MED13L: variants seen among roughly 807,000 people sequenced by gnomAD.
MED13L encodes mediator complex subunit 13L, also known as mediator of RNA polymerase II transcription subunit 13-like.
MED13L carries 7 observed loss-of-function variants against 220.9 expected under a neutral mutation model. The ratio of observed to expected loss-of-function variants is 0.03; its 90% CI spans 0.02 to 0.06. The LOEUF is 0.06. Ranked by LOEUF, MED13L falls within the 10% of genes least tolerant of loss-of-function variation. The pLI is 1.00. For missense variants in MED13L, 1,965 were observed against 2,760.5 expected, an observed-to-expected ratio of 0.71 and a Z score of 6.46; for synonymous variants, 1,011 against 1,015.2, an observed-to-expected ratio of 1.00 and a Z score of 0.08.
intron 4 of MED13L, among the ~76,000 whole-genome samples, chr12:116,076,184 CAGA>C (rs1870784625): frequency 6.6e-6 from 1 of 152,066 alleles, no homozygotes; most frequent in Non-Finnish European, 1.5e-5. Context: ...AAGTGCTGGC[CAGA>C]AGATTTTTTA....
At chr12:116,011,551 G>T (rs1469689282) in intron 9 of MED13L, among the ~76,000 whole-genome samples, 18 of 152,158 alleles carry the variant, frequency 1.2e-4, no homozygotes, top group Admixed American at 1.2e-3. Context: ...ATGTGCTAAA[G>T]GCGGGCCTTA....
chr12:116,096,006 AT>A (rs1565874860), intron 4 of MED13L, among the ~76,000 whole-genome samples: 1 of 152,220 alleles, frequency 6.6e-6, no homozygotes, highest in Non-Finnish European at 1.5e-5. Context: ...TTCCACAAAA[AT>A]TGTCACCATT....
chr12:116,158,887 G>C (rs545443770), intron 2 of MED13L, among the ~76,000 whole-genome samples: 1 of 152,224 alleles, frequency 6.6e-6, no homozygotes, highest in South Asian at 2.1e-4. Flanking sequence ...AACCTCACGT[G>C]ACTAGTGAGC....
In MED13L at chr12:115,991,533, T is replaced by G; in HGVS notation, c.3421A>C (p.Lys1141Gln). 1 of 1,614,144 alleles carries G rather than the reference T, an allele frequency of 6.2e-7. No individual in the cohort carries two copies. The highest frequency in any genetic ancestry group is 8.5e-7 in the Non-Finnish European group (1 of 1,180,026). ...ATGTAAAGCCCGACATCCGCCCCTTTGATGTTCATGTTGCAGGCACAGATG... is the reference window on the plus strand; with the variant it reads ...ATGTAAAGCCCGACATCCGCCCCTTGGATGTTCATGTTGCAGGCACAGATG... ...CCICACNMNIKGADVGLYIPD... is the reference protein window; with the variant it reads ...CCICACNMNIQGADVGLYIPD... The change falls in exon 17 of 31, where the codon AAA becomes CAA. Residue 1141 changes from lysine (K) to glutamine (Q), a missense_variant. Physicochemically the swap from Lys to Gln is moderately conservative, Grantham distance 53 (BLOSUM62 1). This residue lies in a region of MED13L where 18 missense variants were observed against 72.4 expected (regional missense o/e 0.25). Coordinates refer to ENST00000281928, the MANE Select transcript of MED13L (RefSeq NM_015335.5). This position sits in a 1 kb window ranked among gnomAD's most constrained non-coding sequence, Gnocchi z 7.7.
At chr12:115,983,689 G>T in intron 20 of MED13L, 149 bp from the exon 21 acceptor site, 1 of 878,134 alleles carries the variant, frequency 1.1e-6, no homozygotes, top group Non-Finnish European at 1.8e-6. Context: ...CCACAGTCAT[G>T]CTTATGTATT....
intron 2 of MED13L, among the ~76,000 whole-genome samples, chr12:116,172,051 TA>T: frequency 6.6e-6 from 1 of 152,304 alleles, no homozygotes; most frequent in East Asian, 1.9e-4. Context: ...AAGTATTGAA[TA>T]AGATAAAACT....
chr12:116,047,981 T>G (rs1364614963), intron 4 of MED13L, among the ~76,000 whole-genome samples: 3 of 152,046 alleles, frequency 2.0e-5, no homozygotes, highest in Non-Finnish European at 4.4e-5. Context: ...TTTCATGTAG[T>G]GTTGGGAAAA....
intron 2 of MED13L, chr12:116,148,609 CTA>C (rs3043743): frequency 0.3 from 54,407 of 180,914 alleles, 7,381 homozygotes; most frequent in East Asian, 0.5. Flanking sequence ...ATGGAGATAT[CTA>C]TATATATATA....
intron 2 of MED13L, among the ~76,000 whole-genome samples, chr12:116,145,958 T>C (rs1463630586): frequency 6.6e-6 from 1 of 152,146 alleles, no homozygotes; most frequent in Non-Finnish European, 1.5e-5. Flanking sequence ...TCTTTTCTAT[T>C]TGTGACCCCA....
chr12:116,255,027 T>G (rs1871913260), intron 1 of MED13L, among the ~76,000 whole-genome samples: 1 of 152,110 alleles, frequency 6.6e-6, no homozygotes, highest in Non-Finnish European at 1.5e-5. Flanking sequence ...GAAAAAAAAT[T>G]TTTAATTGAC....
chr12:116,120,826 T>C (rs1213241224), intron 2 of MED13L, among the ~76,000 whole-genome samples: 1 of 152,176 alleles, frequency 6.6e-6, no homozygotes, highest in Non-Finnish European at 1.5e-5. Context: ...ACTATCTCTA[T>C]AGACTATGTT....
chr12:116,119,214 A>T (rs1426977165), intron 2 of MED13L, among the ~76,000 whole-genome samples: 1 of 152,184 alleles, frequency 6.6e-6, no homozygotes, highest in Admixed American at 6.5e-5. Context: ...AAGGACATAC[A>T]TTCTAACCCC....
intron 2 of MED13L, among the ~76,000 whole-genome samples, chr12:116,171,009 A>T (rs769776230): frequency 6.6e-6 from 1 of 152,258 alleles, no homozygotes; most frequent in Non-Finnish European, 1.5e-5. Flanking sequence ...ATTCGTGCTA[A>T]GGCACCACCA....
At chr12:116,135,112 T>C (rs781293089) in intron 2 of MED13L, among the ~76,000 whole-genome samples, 12 of 152,146 alleles carry the variant, frequency 7.9e-5, no homozygotes, top group Admixed American at 4.6e-4. Flanking sequence ...GAGGTTGCAG[T>C]GAGCTGAGAT....
intron 2 of MED13L, among the ~76,000 whole-genome samples, chr12:116,128,995 G>C (rs1166890447): frequency 6.6e-6 from 1 of 151,884 alleles, no homozygotes; most frequent in Non-Finnish European, 1.5e-5. Flanking sequence ...CAGCATTTTT[G>C]TGGACGTTTT....
intron 2 of MED13L, among the ~76,000 whole-genome samples, chr12:116,206,866 T>A (rs918234208): frequency 6.6e-6 from 1 of 152,138 alleles, no homozygotes; most frequent in Non-Finnish European, 1.5e-5. Context: ...TTCATAATTA[T>A]AAAATGATTA....
At chr12:116,134,757 G>A (rs886642748) in intron 2 of MED13L, among the ~76,000 whole-genome samples, 8 of 151,926 alleles carry the variant, frequency 5.3e-5, no homozygotes, top group South Asian at 2.1e-4. Context: ...ACGATGATAC[G>A]CCAGTTTTAA....
At chr12:116,118,486 T>C (rs1874722616) in intron 2 of MED13L, among the ~76,000 whole-genome samples, 1 of 152,178 alleles carries the variant, frequency 6.6e-6, no homozygotes, top group Admixed American at 6.5e-5. Context: ...CATAAAAAAT[T>C]ATAAGCCAAT....
chr12:116,023,111 A>G (rs976502721), intron 4 of MED13L, among the ~76,000 whole-genome samples: 5 of 152,166 alleles, frequency 3.3e-5, no homozygotes, highest in Non-Finnish European at 5.9e-5. Flanking sequence ...CCTGGGCAAC[A>G]TAAGACCTCA....
Sources: allele counts gnomAD v4.1 joint callset (sites outside exome capture counted in the v4.1 genomes callset), GRCh38; gene constraint gnomAD v4.1.1; regional missense constraint gnomAD v4.1.1; non-coding constraint Gnocchi (gnomAD v3.1); transcripts MANE v1.5; gene names NCBI Gene and HGNC (gene_info 2026-07-23, HGNC 2026-07-21).